The following IFI16 variants were observed in gnomAD, a reference collection of about 807,000 sequenced individuals.
IFI16 encodes the protein interferon gamma inducible protein 16.
A neutral mutation model predicts 68.4 loss-of-function variants in IFI16; 49 were observed. The ratio of observed to expected loss-of-function variants is 0.72; its 90% CI spans 0.57 to 0.91. IFI16 has a LOEUF of 0.91. Ranked by LOEUF, IFI16 falls within the 40% of genes least tolerant of loss-of-function variation. The pLI is 0.00. For synonymous variants in IFI16, 307 were observed against 315.0 expected (o/e 0.97, Z 0.27); for missense variants, 878 against 942.9 (o/e 0.93, Z 0.90).
intron 1 of IFI16, among the ~76,000 whole-genome samples, chr1:159,013,504 T>C (rs1207672811): frequency 6.6e-6 from 1 of 152,174 alleles, no homozygotes; most frequent in Non-Finnish European, 1.5e-5. Flanking sequence ...ATCTTGGTTA[T>C]ACACAAAGAC....
At chr1:159,053,128 ACAT>A in intron 10 of IFI16, 2 of 156,316 alleles carry the variant, frequency 1.3e-5, no homozygotes, top group Admixed American at 6.4e-5. Flanking sequence ...AGGACGTGCA[ACAT>A]TCTTTCTCAA....
At chr1:159,031,373 G>T (rs1277917263) in intron 6 of IFI16, among the ~76,000 whole-genome samples, 1 of 152,172 alleles carries the variant, frequency 6.6e-6, no homozygotes, top group Non-Finnish European at 1.5e-5. Flanking sequence ...GAAATTTTGT[G>T]TTCGGTCGAA....
chr1:159,004,790 A>C (rs1026850444), upstream of IFI16, among the ~76,000 whole-genome samples: 5 of 152,348 alleles, frequency 3.3e-5, no homozygotes, highest in South Asian at 4.1e-4. Context: ...AAATTATATC[A>C]AGGGAAATTT....
intron 6 of IFI16, among the ~76,000 whole-genome samples, chr1:159,026,821 G>A (rs1653700452): frequency 6.6e-6 from 1 of 152,008 alleles, no homozygotes; most frequent in Non-Finnish European, 1.5e-5. Flanking sequence ...TCTTAGCTTG[G>A]TTGCTGGCCG....
At chr1:159,050,977 G>A (rs1655321171) in intron 9 of IFI16, among the ~76,000 whole-genome samples, 1 of 152,172 alleles carries the variant, frequency 6.6e-6, no homozygotes, top group South Asian at 2.1e-4. Flanking sequence ...AGTTCCAACT[G>A]AAATCTCATG....
chr1:159,016,137 T>C (rs1571836850), intron 3 of IFI16, 150 bp downstream of exon 3: 1 of 627,854 alleles, frequency 1.6e-6, no homozygotes, highest in Non-Finnish European at 2.9e-6. Context: ...GATCATCTTA[T>C]TGATGCTCAA....
intron 7 of IFI16, among the ~76,000 whole-genome samples, chr1:159,038,493 T>G (rs562547390): frequency 3.3e-5 from 5 of 152,118 alleles, no homozygotes; most frequent in Non-Finnish European, 7.4e-5. Flanking sequence ...GCCTCTCAAG[T>G]AGATGGGACT....
upstream of IFI16, among the ~76,000 whole-genome samples, chr1:159,001,723 A>G (rs111868823): frequency 0.011 from 1,732 of 152,326 alleles, 30 homozygotes; most frequent in African/African-American, 0.04. Context: ...ACGTGCTAAC[A>G]TTCACATATC....
intron 7 of IFI16, among the ~76,000 whole-genome samples, chr1:159,034,232 G>A (rs998244385): frequency 2.0e-5 from 3 of 152,168 alleles, no homozygotes; most frequent in Non-Finnish European, 2.9e-5. Context: ...AGCCTGAAGA[G>A]CTGCAGGAAA....
chr1:159,013,167 T>C (rs1004450044), intron 1 of IFI16, among the ~76,000 whole-genome samples: 2 of 120,718 alleles, frequency 1.7e-5, no homozygotes, highest in East Asian at 5.2e-4. Flanking sequence ...GGAAGCTTTT[T>C]TTTTTTTTTT....
At chr1:159,027,109 T>C (rs1275716678) in intron 6 of IFI16, among the ~76,000 whole-genome samples, 1 of 152,180 alleles carries the variant, frequency 6.6e-6, no homozygotes, top group Non-Finnish European at 1.5e-5. Context: ...GTTCCAGTGC[T>C]TAGGGGGAAT....
intron 2 of IFI16, chr1:159,015,648 A>G: frequency 2.0e-6 from 1 of 489,016 alleles, no homozygotes; most frequent in Non-Finnish European, 3.7e-6. Flanking sequence ...GGGAGGAGTG[A>G]GGAAAGTGCT....
chr1:159,015,717 G>A, intron 2 of IFI16, 155 bp from the exon 3 acceptor site: 2 of 605,354 alleles, frequency 3.3e-6, no homozygotes, highest in South Asian at 3.9e-5. Flanking sequence ...TTAAGGCCAG[G>A]CTGGGCTAAT....
At chr1:159,019,596 C>T (rs1459149710) in intron 5 of IFI16, among the ~76,000 whole-genome samples, 1 of 152,182 alleles carries the variant, frequency 6.6e-6, no homozygotes, top group African/African-American at 2.4e-5. Flanking sequence ...GTAGCTGGGA[C>T]TACAGGCGTG....
chr1:159,040,550 A>G (rs911320947), intron 7 of IFI16, among the ~76,000 whole-genome samples: 2 of 152,220 alleles, frequency 1.3e-5, no homozygotes, highest in African/African-American at 4.8e-5. Context: ...ACTCCTTTCA[A>G]TAAGATTCCA....
At chr1:159,007,443 A>ATT (rs1466443943), upstream of IFI16, among the ~76,000 whole-genome samples, 1 of 152,198 alleles carries the variant, frequency 6.6e-6, no homozygotes, top group Non-Finnish European at 1.5e-5. Flanking sequence ...CAAGGAAGTA[A>ATT]TTTTGCTTAG....
At chr1:159,047,823 C>T (rs1159987331) in intron 8 of IFI16, among the ~76,000 whole-genome samples, 2 of 150,566 alleles carry the variant, frequency 1.3e-5, no homozygotes, top group Non-Finnish European at 3.0e-5. Flanking sequence ...CAGACTATTA[C>T]CTTTGATTTA....
At chr1:159,038,190 C>T (rs527479254) in intron 7 of IFI16, among the ~76,000 whole-genome samples, 1 of 152,164 alleles carries the variant, frequency 6.6e-6, no homozygotes, top group South Asian at 2.1e-4. Context: ...TGTCATATAT[C>T]CATAAATATT....
chr1:159,025,229 C>T (rs1049218588), intron 6 of IFI16, among the ~76,000 whole-genome samples: 3 of 152,122 alleles, frequency 2.0e-5, no homozygotes, highest in African/African-American at 7.2e-5. Flanking sequence ...GGCCCTGGCC[C>T]CTCTTGAAGT....
Sources: allele counts gnomAD v4.1 joint callset (sites outside exome capture counted in the v4.1 genomes callset), GRCh38; gene constraint gnomAD v4.1.1; transcripts MANE v1.5; gene names NCBI Gene and HGNC (gene_info 2026-07-23, HGNC 2026-07-21).